Variants in PTPRG observed in about 807,000 individuals in gnomAD.
The protein encoded by PTPRG is protein tyrosine phosphatase receptor type G.
PTPRG carries 102 observed loss-of-function variants against 165.3 expected under a neutral mutation model. That is an observed-to-expected ratio of 0.62 (90% CI 0.53 to 0.73). The LOEUF (loss-of-function observed/expected upper bound fraction) is 0.73. Ranked by LOEUF, PTPRG falls within the 30% of genes least tolerant of loss-of-function variation. The pLI is 0.00. For missense variants in PTPRG, 1,866 were observed against 1,861.4 expected (o/e 1.00, Z -0.05); for synonymous variants, 675 against 669.5 (o/e 1.01, Z -0.13).
intron 2 of PTPRG, among the ~76,000 whole-genome samples, chr3:61,860,409 G>A (rs1036707407): frequency 1.3e-5 from 2 of 148,650 alleles, no homozygotes; most frequent in Non-Finnish European, 3.0e-5. Context: ...AAGGATAATA[G>A]CTGTGCTTTT....
At chr3:61,655,866 C>G (rs78445265) in intron 1 of PTPRG, among the ~76,000 whole-genome samples, 5,555 of 152,180 alleles carry the variant, frequency 0.037, 326 homozygotes, top group African/African-American at 0.13. Flanking sequence ...TCTTGGCCAA[C>G]CAATTGTGAA....
chr3:61,669,098 T>G (rs1380462232), intron 1 of PTPRG, among the ~76,000 whole-genome samples: 1 of 152,198 alleles, frequency 6.6e-6, no homozygotes, highest in Non-Finnish European at 1.5e-5. Context: ...TCTAGGGCCT[T>G]GAGTGAAGGA....
chr3:61,647,791 CAA>C (rs58020589), intron 1 of PTPRG, among the ~76,000 whole-genome samples: 22 of 93,170 alleles, frequency 2.4e-4, no homozygotes, highest in Middle Eastern at 7.0e-3. Context: ...GACTCCGTCT[CAA>C]AAAAAAAAAA....
intron 2 of PTPRG, among the ~76,000 whole-genome samples, chr3:61,944,877 C>T (rs1385685512): frequency 6.6e-6 from 1 of 152,118 alleles, no homozygotes; most frequent in African/African-American, 2.4e-5. Context: ...AGCTGGCTTC[C>T]TCCCACCTGC....
At chr3:61,842,329 C>G (rs2036661166) in intron 2 of PTPRG, among the ~76,000 whole-genome samples, 1 of 152,184 alleles carries the variant, frequency 6.6e-6, no homozygotes, top group Non-Finnish European at 1.5e-5. Flanking sequence ...TACATGCACA[C>G]TACACACAAA....
At chr3:61,897,417 T>C (rs1358948880) in intron 2 of PTPRG, among the ~76,000 whole-genome samples, 1 of 152,188 alleles carries the variant, frequency 6.6e-6, no homozygotes, top group East Asian at 1.9e-4. Flanking sequence ...AGTCTATTTC[T>C]GGGTTCTCTC....
At chr3:61,926,278 T>G (rs1203463486) in intron 2 of PTPRG, among the ~76,000 whole-genome samples, 6 of 152,038 alleles carry the variant, frequency 3.9e-5, no homozygotes, top group Non-Finnish European at 8.8e-5. Context: ...GAGAGGTGAT[T>G]GGTTCATGGG....
chr3:62,211,153 A>T (rs899480196), intron 12 of PTPRG, among the ~76,000 whole-genome samples: 2 of 152,252 alleles, frequency 1.3e-5, no homozygotes, highest in Non-Finnish European at 2.9e-5. Context: ...TATAGTACAT[A>T]CAATGAAATA....
intron 1 of PTPRG, among the ~76,000 whole-genome samples, chr3:61,609,727 C>T (rs573823827): frequency 6.6e-5 from 10 of 152,050 alleles, no homozygotes; most frequent in East Asian, 1.9e-4. Context: ...GGTGTGGTGG[C>T]GTGCACCTGT....
intron 4 of PTPRG, among the ~76,000 whole-genome samples, chr3:62,043,905 T>C (rs907074217): frequency 6.6e-6 from 1 of 152,170 alleles, no homozygotes; most frequent in African/African-American, 2.4e-5. Context: ...CTTATCAATA[T>C]CATAGGGGCC....
intron 1 of PTPRG, among the ~76,000 whole-genome samples, chr3:61,630,190 A>T (rs1701729967): frequency 6.6e-6 from 1 of 152,210 alleles, no homozygotes; most frequent in Non-Finnish European, 1.5e-5. Context: ...AGAACTGTAA[A>T]TGCCTCCTAG....
intron 5 of PTPRG, among the ~76,000 whole-genome samples, chr3:62,117,356 A>G (rs1702903493): frequency 6.6e-6 from 1 of 152,300 alleles, no homozygotes; most frequent in African/African-American, 2.4e-5. Context: ...TAAATGTTGA[A>G]CTTCGCATAT....
chr3:61,946,560 C>T (rs186612043), intron 2 of PTPRG, among the ~76,000 whole-genome samples: 273 of 152,324 alleles, frequency 1.8e-3, no homozygotes, highest in Non-Finnish European at 3.3e-3. Flanking sequence ...ATAGATTGTG[C>T]TGTGCATGGT....
At chr3:61,865,269 A>G (rs2037373553) in intron 2 of PTPRG, among the ~76,000 whole-genome samples, 1 of 152,178 alleles carries the variant, frequency 6.6e-6, no homozygotes, top group Non-Finnish European at 1.5e-5. Flanking sequence ...CCCCCACAAC[A>G]ATAGTGACAA....
At chr3:62,134,734 G>A (rs1703641841) in intron 6 of PTPRG, among the ~76,000 whole-genome samples, 1 of 152,208 alleles carries the variant, frequency 6.6e-6, no homozygotes, top group South Asian at 2.1e-4. Flanking sequence ...CCTGAGGGCA[G>A]AAAACCATGT....
intron 7 of PTPRG, among the ~76,000 whole-genome samples, chr3:62,166,525 A>G (rs1446275939): frequency 2.0e-5 from 3 of 151,362 alleles, no homozygotes; most frequent in Admixed American, 2.0e-4. Context: ...TAGTAGAGAC[A>G]GGGTTTCACC....
chr3:62,005,762 G>T (rs1171324866), intron 4 of PTPRG, among the ~76,000 whole-genome samples: 1 of 122,826 alleles, frequency 8.1e-6, no homozygotes, highest in African/African-American at 3.1e-5. Flanking sequence ...ATGTAGTGGC[G>T]CATGATATCA....
intron 2 of PTPRG, among the ~76,000 whole-genome samples, chr3:61,788,237 G>T (rs2034769019): frequency 2.6e-5 from 4 of 152,296 alleles, no homozygotes; most frequent in African/African-American, 9.6e-5. Flanking sequence ...TTTGGAAGAT[G>T]ATCAGGTGCC....
At chr3:62,282,377 T>TA (rs1035376875) in intron 27 of PTPRG, among the ~76,000 whole-genome samples, 3 of 151,346 alleles carry the variant, frequency 2.0e-5, no homozygotes, top group Admixed American at 2.0e-4. Context: ...GCATGTACCA[T>TA]ATGACTAGTT....
Sources: allele counts gnomAD v4.1 joint callset (sites outside exome capture counted in the v4.1 genomes callset), GRCh38; gene constraint gnomAD v4.1.1; transcripts MANE v1.5; gene names NCBI Gene and HGNC (gene_info 2026-07-23, HGNC 2026-07-21).